Variants in SOX13 observed in about 807,000 individuals in gnomAD.
SOX13 encodes the protein transcription factor SOX-13.
SOX13 carries 28 observed loss-of-function variants against 71.8 expected under a neutral mutation model. The observed-to-expected ratio is 0.39, with a 90% CI of 0.29 to 0.53. SOX13 has a LOEUF of 0.53. SOX13 is among the 20% of genes least tolerant of loss of function. The pLI is 0.70. For synonymous variants in SOX13, 309 were observed against 317.8 expected (o/e 0.97, Z 0.29); for missense variants, 627 against 810.3 (o/e 0.77, Z 2.75).
chr1:204,112,501 G>GCACACACACACA (rs6143576), intron 1 of SOX13, among the ~76,000 whole-genome samples: 60 of 57,920 alleles, frequency 1.0e-3, no homozygotes, highest in Middle Eastern at 9.1e-3. Context: ...ACACATGCGT[G>GCACACACACACA]CACACACACA....
chr1:204,086,827 G>T (rs959970869), intron 1 of SOX13, among the ~76,000 whole-genome samples: 2 of 152,198 alleles, frequency 1.3e-5, no homozygotes, highest in East Asian at 1.9e-4. Flanking sequence ...CACAGTAAAT[G>T]GTAGCTATTA....
chr1:204,105,014 TCAGAGGGGCCGTGA>T (rs941056123), intron 1 of SOX13, among the ~76,000 whole-genome samples: 1 of 152,098 alleles, frequency 6.6e-6, no homozygotes, highest in Non-Finnish European at 1.5e-5. Context: ...TTGGTGGGGT[TCAGAGGGGCCGTGA>T]CAGGGCTGGT....
In SOX13 at chr1:204,081,378, T is replaced by C. The variant is rs75498660; in HGVS notation, c.-2+7667T>C. Among the ~76,000 whole-genome samples the C allele has an allele frequency of 2.0e-5, 3 of 152,376 alleles. No homozygotes were observed. In the East Asian group the frequency reaches 5.8e-4, roughly 29 times the overall value. On this transcript the variant is annotated intron_variant, in intron 1 of 13. Transcript: ENST00000367204. The surrounding 1 kb of genome is among the most constrained non-coding windows in gnomAD (Gnocchi z 4.3). ...GTGAAACAGAAATGTCATCAGTGTTTGTTTCCACGGAAGACCAAGAGGAGT... is the reference window on the plus strand; with the variant it reads ...GTGAAACAGAAATGTCATCAGTGTTCGTTTCCACGGAAGACCAAGAGGAGT...
intron 13 of SOX13, 126 bp downstream of exon 13, chr1:204,124,983 G>A (rs895368317): frequency 2.6e-5 from 18 of 695,546 alleles, no homozygotes; most frequent in East Asian, 5.4e-5. Context: ...GTATGCGTAC[G>A]TGTGTGTGTT....
intron 1 of SOX13, among the ~76,000 whole-genome samples, chr1:204,095,473 G>T (rs1272769987): frequency 6.6e-6 from 1 of 152,060 alleles, no homozygotes; most frequent in Non-Finnish European, 1.5e-5. Context: ...CTTCAATTAG[G>T]GATGTTAATT....
chr1:204,113,278 C>G, intron 2 of SOX13, 144 bp downstream of exon 2: 1 of 714,460 alleles, frequency 1.4e-6, no homozygotes, highest in Non-Finnish European at 2.2e-6. Context: ...TGTAGGGAAG[C>G]AGGGAGGCAC....
intron 1 of SOX13, among the ~76,000 whole-genome samples, chr1:204,095,879 A>G (rs1421563881): frequency 2.0e-5 from 3 of 152,126 alleles, no homozygotes; most frequent in Non-Finnish European, 4.4e-5. Context: ...GTCTCTATGA[A>G]TTTAGCTGTT....
Position 204,081,292 on chromosome 1 carries a change from T to C in SOX13, c.-2+7581T>C, listed in dbSNP as rs573589636. On this transcript the variant is annotated intron_variant, in intron 1 of 13. Transcript: ENST00000367204. The surrounding 1 kb of genome is among the most constrained non-coding windows in gnomAD (Gnocchi z 4.3). ...GTAGTCTCTAAGAGTAATACAACAA[T>C]GTGTATCACTTTCGTCATCAGGATG... is the stretch of plus-strand genomic sequence containing the variant. 4.0e-4 allele frequency among the ~76,000 whole-genome samples: 61 copies of C among 152,362 alleles called. No homozygotes were observed. Among genetic ancestry groups the C allele is most frequent in the African/African-American group, 1.3e-3 (53 of 41,576 alleles).
At chr1:204,121,361 C>CT (rs1196387095) in intron 7 of SOX13, among the ~76,000 whole-genome samples, 1 of 152,194 alleles carries the variant, frequency 6.6e-6, no homozygotes, top group African/African-American at 2.4e-5. Context: ...CTCAAGCAGT[C>CT]TTTCTGCCTC....
chr1:204,087,236 C>A (rs1453988639), intron 1 of SOX13, among the ~76,000 whole-genome samples: 1 of 152,190 alleles, frequency 6.6e-6, no homozygotes, highest in Admixed American at 6.5e-5. Context: ...TCCTTCCTTC[C>A]ATGACTTCTG....
At chr1:204,110,373 C>CA (rs1160044844) in intron 1 of SOX13, among the ~76,000 whole-genome samples, 7 of 148,200 alleles carry the variant, frequency 4.7e-5, no homozygotes, top group South Asian at 4.3e-4. Context: ...CCTGTCTCTA[C>CA]AAAAAAAATA....
At chr1:204,117,906 C>T in intron 7 of SOX13, 199 bp downstream of exon 7, 2 of 587,024 alleles carry the variant, frequency 3.4e-6, no homozygotes, top group South Asian at 2.2e-5. Flanking sequence ...AATGAAAAAC[C>T]ATAAAGCCCT....
At chr1:204,075,960 C>A (rs1039281118) in intron 1 of SOX13, among the ~76,000 whole-genome samples, 10 of 152,204 alleles carry the variant, frequency 6.6e-5, no homozygotes, top group African/African-American at 2.4e-4. Context: ...TTGCCCACTT[C>A]TGGAGAGGAG....
At chr1:204,116,445 T>C (rs946648275) in intron 4 of SOX13, 62 bp from the exon 5 acceptor site, 1 of 1,612,950 alleles carries the variant, frequency 6.2e-7, no homozygotes, top group Admixed American at 1.7e-5. Flanking sequence ...GGTGGATAGA[T>C]GGATGGATGT....
At chr1:204,090,396 CTTCTT>C (rs1221579004) in intron 1 of SOX13, among the ~76,000 whole-genome samples, 18 of 130,880 alleles carry the variant, frequency 1.4e-4, no homozygotes, top group African/African-American at 4.7e-4. Context: ...TAGCTCAAGA[CTTCTT>C]CTTCTTCTTT....
At chr1:204,112,538 CTCGCTG>C (rs1558218710) in intron 1 of SOX13, among the ~76,000 whole-genome samples, 3 of 150,416 alleles carry the variant, frequency 2.0e-5, no homozygotes, top group Non-Finnish European at 2.9e-5. Context: ...CTTTCTCTCT[CTCGCTG>C]TCGCTCTCCA....
chr1:204,088,160 C>T (rs1656062869), intron 1 of SOX13, among the ~76,000 whole-genome samples: 1 of 152,202 alleles, frequency 6.6e-6, no homozygotes, highest in South Asian at 2.1e-4. Context: ...TTGTAGGGCC[C>T]TCATTTACCT....
chr1:204,095,179 C>CGTCA (rs1656226707), intron 1 of SOX13, among the ~76,000 whole-genome samples: 1 of 152,132 alleles, frequency 6.6e-6, no homozygotes, highest in South Asian at 2.1e-4. Context: ...TGTAAACAGG[C>CGTCA]GTCAGTTCAG....
Position 204,112,501 on chromosome 1 carries a change from G to GCACACACACACACACA in SOX13, c.-1-402_-1-387dup, listed in dbSNP as rs6143576. 4.6e-3 allele frequency among the ~76,000 whole-genome samples: 266 copies of GCACACACACACACACA among 57,918 alleles called. 1 individual carries two copies. Among genetic ancestry groups the GCACACACACACACACA allele is most frequent in the African/African-American group, 0.01 (256 of 25,334 alleles). The allele number at this position is 57,918 out of a possible 152,430, so 38.0% of individuals were successfully genotyped here. A position where few individuals can be genotyped will look rare whatever the true frequency, so the allele number is the denominator to read the frequency against. On this transcript the variant is annotated intron_variant, in intron 1 of 13. Coordinates refer to ENST00000367204, the MANE Select transcript of SOX13 (RefSeq NM_005686.3). ...TGCACAGACACATGCACACATGCGTGCACACACACACACACACACACACAC... is the reference window on the plus strand; with the variant it reads ...TGCACAGACACATGCACACATGCGTGCACACACACACACACACACACACACACACACACACACACAC...
Sources: gnomAD v4.1 joint callset for allele counts (sites outside exome capture counted in the v4.1 genomes callset) on GRCh38, gnomAD v4.1.1 for gene constraint, Gnocchi (gnomAD v3.1) non-coding constraint, MANE v1.5 for transcripts, NCBI Gene and HGNC (gene_info 2026-07-23, HGNC 2026-07-21) for gene names.